Variants in UBXN4 observed in about 807,000 individuals in gnomAD.
UBXN4 encodes UBX domain-containing protein 4.
UBXN4 carries 35 observed loss-of-function variants against 66.2 expected under a neutral mutation model. The ratio of observed to expected loss-of-function variants is 0.53; its 90% CI spans 0.40 to 0.70. The LOEUF (loss-of-function observed/expected upper bound fraction) is 0.70, where lower values mean the gene tolerates loss of function less well. Ranked by LOEUF, UBXN4 falls within the 30% of genes least tolerant of loss-of-function variation. The pLI is 0.00. For missense variants in UBXN4, 533 were observed against 599.8 expected (o/e 0.89, Z 1.16); for synonymous variants, 203 against 204.5 (o/e 0.99, Z 0.06).
intron 9 of UBXN4, among the ~76,000 whole-genome samples, chr2:135,774,523 C>T (rs2077400956): frequency 6.6e-6 from 1 of 152,092 alleles, no homozygotes; most frequent in Non-Finnish European, 1.5e-5. Flanking sequence ...AAATTTAAAA[C>T]TTTCGTGCTT....
intron 12 of UBXN4, 108 bp downstream of exon 12, chr2:135,780,493 C>A: frequency 1.0e-6 from 1 of 986,506 alleles, no homozygotes; most frequent in Non-Finnish European, 1.5e-6. Flanking sequence ...CTCTCCAGTT[C>A]CCACGGTGGA....
intron 6 of UBXN4, among the ~76,000 whole-genome samples, chr2:135,767,034 T>C (rs1296454002): frequency 2.6e-5 from 4 of 152,030 alleles, no homozygotes; most frequent in East Asian, 1.9e-4. Flanking sequence ...AAACTACTTA[T>C]TGGACACCAG....
At chr2:135,778,048 G>T (rs1031076126) in intron 10 of UBXN4, among the ~76,000 whole-genome samples, 1 of 151,756 alleles carries the variant, frequency 6.6e-6, no homozygotes, top group Non-Finnish European at 1.5e-5. Flanking sequence ...GTGGTGGCGG[G>T]CGTCTGTAGT....
rs759597793 is a variant in UBXN4 at position 135,783,961 on chromosome 2, G to A, written c.*1074G>A. 6.6e-6 allele frequency: 1 copy of A among 152,090 alleles called. No homozygotes were observed. The highest frequency in any genetic ancestry group is 1.9e-4 in the East Asian group (1 of 5,196). The allele number at this position is 152,090 out of a possible 1,614,324, so 9.4% of individuals were successfully genotyped here. A position where few individuals can be genotyped will look rare whatever the true frequency, so the allele number is the denominator to read the frequency against. On this transcript the variant is annotated 3_prime_UTR_variant, in exon 13 of 13. Coordinates refer to ENST00000272638, the MANE Select transcript of UBXN4 (RefSeq NM_014607.4). ...AGATAGCACTCTAGAGTGGACATAC[G>A]GAAAGACTGTGACTTTATTTTGTAA... is the stretch of plus-strand genomic sequence containing the variant.
At chr2:135,756,099 T>TA (rs979574009) in intron 5 of UBXN4, among the ~76,000 whole-genome samples, 1 of 151,906 alleles carries the variant, frequency 6.6e-6, no homozygotes, top group Non-Finnish European at 1.5e-5. Flanking sequence ...GTTATATATA[T>TA]TTTTTTTGAT....
chr2:135,779,262 T>C (rs964681546), intron 11 of UBXN4, among the ~76,000 whole-genome samples, 183 bp downstream of exon 11: 2 of 152,258 alleles, frequency 1.3e-5, no homozygotes, highest in African/African-American at 4.8e-5. Flanking sequence ...ATTGCTGATA[T>C]TACTTGTGAG....
At chr2:135,751,376 G>A (rs2077241021) in intron 2 of UBXN4, among the ~76,000 whole-genome samples, 2 of 148,014 alleles carry the variant, frequency 1.4e-5, no homozygotes, top group Non-Finnish European at 3.0e-5. Flanking sequence ...TTTTAGTAGA[G>A]ATGGGGTTTC....
At chr2:135,766,007 C>T (rs1429079437) in intron 6 of UBXN4, among the ~76,000 whole-genome samples, 3 of 151,966 alleles carry the variant, frequency 2.0e-5, no homozygotes, top group Admixed American at 2.0e-4. Flanking sequence ...ACAAAAATTA[C>T]CCGGACGTAG....
Position 135,778,355 on chromosome 2 carries a change from A to C in UBXN4, c.1054-593A>C, listed in dbSNP as rs958295920. On this transcript the variant is annotated intron_variant, in intron 10 of 12. Transcript: ENST00000272638. Reference sequence around the variant, plus strand: ...TGGAATCTTCTAGGGAAAGATACACAGATGTCTAAGATTTTACAAGTGATT... The same window carrying C: ...TGGAATCTTCTAGGGAAAGATACACCGATGTCTAAGATTTTACAAGTGATT... 2.1e-4 allele frequency among the ~76,000 whole-genome samples: 32 copies of C among 152,150 alleles called. 1 individual carries two copies. The highest frequency in any genetic ancestry group is 4.4e-5 in the Non-Finnish European group (3 of 67,996).
intron 1 of UBXN4, among the ~76,000 whole-genome samples, chr2:135,745,875 C>CTTTTATTTTTTTTTT (rs2077204332): frequency 2.7e-5 from 2 of 74,394 alleles, no homozygotes; most frequent in Non-Finnish European, 4.7e-5. Context: ...GTCCCGTTTA[C>CTTTTATTTTTTTTTT]TTTTTTTTTT....
rs2077473013 is a variant in UBXN4 at position 135,784,834 on chromosome 2, T to G, written c.*1947T>G. ...TGCTTCGTAATTTTGGAGTAGGAGGTTCCCTCCTCAATTTTGTATTTTTAA... is the reference window on the plus strand; with the variant it reads ...TGCTTCGTAATTTTGGAGTAGGAGGGTCCCTCCTCAATTTTGTATTTTTAA... On this transcript the variant is annotated 3_prime_UTR_variant, in exon 13 of 13. Transcript: ENST00000272638. The G allele has an allele frequency of 7.7e-6, 1 of 129,786 alleles. No individual in the cohort carries two copies. The highest frequency in any genetic ancestry group is 2.9e-5 in the African/African-American group (1 of 33,902). The allele number at this position is 129,786 out of a possible 1,614,324, so 8.0% of individuals were successfully genotyped here.
chr2:135,756,327 A>G (rs2077278405), intron 5 of UBXN4, among the ~76,000 whole-genome samples: 1 of 152,210 alleles, frequency 6.6e-6, no homozygotes. Context: ...CACACAAATA[A>G]TCATCAAGCT....
intron 1 of UBXN4, chr2:135,747,631 A>G (rs1240512917): frequency 2.2e-6 from 1 of 456,492 alleles, no homozygotes; most frequent in Admixed American, 2.3e-5. Flanking sequence ...GACAGATATC[A>G]AACTTTTTAT....
At chr2:135,761,264 AAAG>A (rs1424523886) in intron 5 of UBXN4, among the ~76,000 whole-genome samples, 8 of 152,240 alleles carry the variant, frequency 5.3e-5, no homozygotes, top group African/African-American at 1.7e-4. Flanking sequence ...AAACTAGCAT[AAAG>A]AGGCTCTCTA....
chr2:135,752,209 A>T (rs1425827977), intron 2 of UBXN4, among the ~76,000 whole-genome samples: 1 of 151,964 alleles, frequency 6.6e-6, no homozygotes, highest in Non-Finnish European at 1.5e-5. Flanking sequence ...CACCACACCC[A>T]GCTAATTTTT....
chr2:135,753,644 A>G (rs2077260732), intron 3 of UBXN4, 77 bp downstream of exon 3: 1 of 1,227,142 alleles, frequency 8.1e-7, no homozygotes, highest in Non-Finnish European at 1.1e-6. Context: ...AAATTTAGAA[A>G]TTATTCATTT....
intron 1 of UBXN4, among the ~76,000 whole-genome samples, chr2:135,745,942 A>G (rs1221348826): frequency 7.5e-6 from 1 of 133,874 alleles, no homozygotes; most frequent in African/African-American, 2.8e-5. Flanking sequence ...CAGTGGTGCA[A>G]TCTCGGCTCA....
At position 135,750,392 on chromosome 2, in the gene UBXN4, T is replaced by A. The variant is rs1227158965; in HGVS notation, c.185+2023T>A. ...GTCAAGATTAAAGCATTCAGAAATT[T>A]CTACTCGGGAGGCTGAGGCAGGAGA... On this transcript the variant is annotated intron_variant, in intron 2 of 12. Transcript: ENST00000272638. Among the ~76,000 whole-genome samples the A allele has an allele frequency of 2.0e-5, 3 of 151,972 alleles. No individual in the cohort carries two copies. The East Asian group carries it at 5.8e-4, about 29-fold the overall frequency.
rs942948808 is a variant in UBXN4 at position 135,778,951 on chromosome 2, G to A, written c.1057G>A (p.Val353Ile). ...EEARQFAAQT[V>I]GNTYGNFSLA... is the part of the protein sequence containing the mutation. Reference sequence around the variant, plus strand: ...GTTTTTAAAACTTATTTTACAGACTGTTGGCAACACTTACGGTAATTTTTC... The same window carrying A: ...GTTTTTAAAACTTATTTTACAGACTATTGGCAACACTTACGGTAATTTTTC... Residue 353 changes from valine to isoleucine, a missense_variant, in exon 11 of 13, where the codon GTT becomes ATT. Physicochemically the swap from Val to Ile is conservative, Grantham distance 29. Transcript: ENST00000272638. 4 of 1,611,094 alleles carry A rather than the reference G, an allele frequency of 2.5e-6. No homozygotes were observed. The highest frequency in any genetic ancestry group is 3.4e-6 in the Non-Finnish European group (4 of 1,178,924).
Sources: gnomAD v4.1 joint callset for allele counts (sites outside exome capture counted in the v4.1 genomes callset) on GRCh38, gnomAD v4.1.1 for gene constraint, MANE v1.5 for transcripts, NCBI Gene and HGNC (gene_info 2026-07-23, HGNC 2026-07-21) for gene names.